PLD1: variants seen among roughly 807,000 people sequenced by gnomAD.
PLD1 encodes choline phosphatase 1.
Under a neutral mutation model 137.1 loss-of-function variants are expected in PLD1, and 112 were observed. The ratio of observed to expected loss-of-function variants is 0.82; its 90% CI spans 0.70 to 0.96. The LOEUF is 0.96. PLD1 is among the 40% of genes least tolerant of loss of function. The pLI is 0.00. For missense variants in PLD1, 1,321 were observed against 1,342.0 expected (o/e 0.98, Z 0.24); for synonymous variants, 431 against 454.7 (o/e 0.95, Z 0.66).
intron 26 of PLD1, among the ~76,000 whole-genome samples, chr3:171,604,254 CA>C (rs1732029813): frequency 6.7e-6 from 1 of 149,298 alleles, no homozygotes; most frequent in Non-Finnish European, 1.5e-5. Context: ...GTAGAAATTG[CA>C]GTGAGCCGAG....
intron 1 of PLD1, among the ~76,000 whole-genome samples, chr3:171,808,755 T>G (rs1198258454): frequency 2.0e-5 from 3 of 151,798 alleles, no homozygotes; most frequent in African/African-American, 7.2e-5. Flanking sequence ...AGTTCATAAT[T>G]ATTCTGTCAT....
At position 171,808,815 on chromosome 3, in the gene PLD1, A is replaced by ATTTTTTTTTTTTTT. The variant is rs60146546; in HGVS notation, c.-32+1570_-32+1583dup. 7.1e-3 allele frequency among the ~76,000 whole-genome samples: 609 copies of ATTTTTTTTTTTTTT among 86,200 alleles called. 39 individuals carry two copies. The highest frequency in any genetic ancestry group is 9.0e-3 in the Non-Finnish European group (432 of 48,096). The allele number at this position is 86,200 out of a possible 152,430, so 56.6% of individuals were successfully genotyped here. On this transcript the variant is annotated intron_variant, in intron 1 of 26. Coordinates refer to ENST00000351298, the MANE Select transcript of PLD1 (RefSeq NM_002662.5). ...TTTTTCCTCAAAGCCTTAGCATTCA[A>ATTTTTTTTTTTTTT]TTTTTTTTTTTTTTTTTTTTTTTTT...
intron 8 of PLD1, among the ~76,000 whole-genome samples, 199 bp downstream of exon 8, chr3:171,724,497 T>C (rs1718361180): frequency 6.6e-6 from 1 of 152,248 alleles, no homozygotes. Context: ...TTCATGAATA[T>C]AATCTGTACA....
chr3:171,807,826 T>C (rs1422660048), intron 1 of PLD1, among the ~76,000 whole-genome samples: 1 of 152,230 alleles, frequency 6.6e-6, no homozygotes, highest in Non-Finnish European at 1.5e-5. Context: ...TCAGCCTAGA[T>C]GCCCATCAAC....
chr3:171,635,088 T>C (rs1734995400), intron 23 of PLD1, among the ~76,000 whole-genome samples: 1 of 152,136 alleles, frequency 6.6e-6, no homozygotes, highest in Non-Finnish European at 1.5e-5. Context: ...ATCTGTGATG[T>C]AGTATATGTC....
chr3:171,724,630 T>A lies in PLD1; in HGVS notation c.758+66A>T, dbSNP rs575396419. Reference sequence around the variant, plus strand: ...AAGGATTTATAATTTAAAACTGGTATGTAAAACTAGCCCAAATACCCAGTG... The same window carrying A: ...AAGGATTTATAATTTAAAACTGGTAAGTAAAACTAGCCCAAATACCCAGTG... On this transcript the variant is annotated intron_variant, in intron 8 of 26. Transcript: ENST00000351298. 3.4e-6 allele frequency: 3 copies of A among 891,622 alleles called. No individual in the cohort carries two copies. The South Asian group carries it at 4.0e-5, about 12-fold the overall frequency. 55.2% of individuals were successfully genotyped at this position (891,622 alleles called of 1,614,324 possible).
At chr3:171,737,119 A>T (rs918656422) in intron 3 of PLD1, among the ~76,000 whole-genome samples, 11 of 152,254 alleles carry the variant, frequency 7.2e-5, no homozygotes, top group Non-Finnish European at 1.2e-4. Context: ...GGTAGCACCA[A>T]CATTTTCATG....
chr3:171,773,244 CAAT>C (rs1166985793), intron 1 of PLD1, among the ~76,000 whole-genome samples: 1 of 152,102 alleles, frequency 6.6e-6, no homozygotes, highest in Non-Finnish European at 1.5e-5. Context: ...TAAAACCCCG[CAAT>C]AATAAGAGTA....
intron 7 of PLD1, among the ~76,000 whole-genome samples, chr3:171,725,160 C>T (rs1363549131): frequency 1.3e-5 from 2 of 152,124 alleles, no homozygotes; most frequent in Admixed American, 6.5e-5. Context: ...GCACGTTGTG[C>T]ACATGTACCC....
chr3:171,658,998 A>G (rs1737439098), intron 21 of PLD1, among the ~76,000 whole-genome samples: 2 of 152,210 alleles, frequency 1.3e-5, no homozygotes, highest in African/African-American at 4.8e-5. Context: ...CCAGGAAGAA[A>G]TTTTTGTGCC....
intron 23 of PLD1, among the ~76,000 whole-genome samples, chr3:171,623,805 A>G (rs1451477892): frequency 6.6e-6 from 1 of 152,180 alleles, no homozygotes; most frequent in East Asian, 1.9e-4. Context: ...GGCCTTTTCA[A>G]TAAAAAGGTG....
intron 1 of PLD1, among the ~76,000 whole-genome samples, chr3:171,785,535 T>TTCAAGGGA (rs1722980298): frequency 1.3e-5 from 2 of 151,908 alleles, no homozygotes; most frequent in South Asian, 4.2e-4. Flanking sequence ...GACTCCCTGG[T>TTCAAGGGA]TCAAGCGATT....
intron 23 of PLD1, among the ~76,000 whole-genome samples, chr3:171,642,457 CAAAAAAAAAAAAAA>C (rs1230947984): frequency 3.0e-5 from 1 of 33,028 alleles, no homozygotes; most frequent in Non-Finnish European, 6.1e-5. Context: ...AACCCAGTCT[CAAAAAAAAAAAAAA>C]AAAAAAAAAA....
chr3:171,639,661 C>CAT (rs1553806193), intron 23 of PLD1, among the ~76,000 whole-genome samples: 53 of 106,896 alleles, frequency 5.0e-4, no homozygotes, highest in South Asian at 2.0e-3. Context: ...AATATATATT[C>CAT]ATATAATATA....
chr3:171,795,095 G>A (rs1174358462), intron 1 of PLD1, among the ~76,000 whole-genome samples: 2 of 152,106 alleles, frequency 1.3e-5, no homozygotes, highest in East Asian at 1.9e-4. Flanking sequence ...CCCTTCATTG[G>A]CCTCCTTTTA....
chr3:171,694,130 TA>T (rs1715467417), intron 12 of PLD1, among the ~76,000 whole-genome samples: 1 of 152,142 alleles, frequency 6.6e-6, no homozygotes, highest in Non-Finnish European at 1.5e-5. Flanking sequence ...ATGGTGTTAG[TA>T]ATATCTTAAA....
chr3:171,802,379 A>G (rs72622541), intron 1 of PLD1, among the ~76,000 whole-genome samples: 45,882 of 152,094 alleles, frequency 0.3, 7,263 homozygotes, highest in Admixed American at 0.36. Context: ...TGGACTGTGA[A>G]GTGAGGCAGC....
Position 171,737,935 on chromosome 3 carries a change from C to T in PLD1, c.117G>A (p.Glu39=). ...CGCTGGGAGACACGTCGTAGTCTAC[C>T]TCCTCTCCCTCAAAGTGGAGTTCCC... is the stretch of plus-strand genomic sequence containing the variant. The part of the protein sequence containing the change: ...DTRELHFEGE[E]VDYDVSPSDP... Residue 39 remains glutamate (E), a synonymous_variant, in exon 2 of 27, where the codon GAG becomes GAA. Transcript: ENST00000351298. 1 of 1,613,920 alleles carries T rather than the reference C, an allele frequency of 6.2e-7. No homozygotes were observed. The highest frequency in any genetic ancestry group is 8.5e-7 in the Non-Finnish European group (1 of 1,179,908).
At chr3:171,630,062 C>A (rs1459413507) in intron 23 of PLD1, among the ~76,000 whole-genome samples, 2 of 151,906 alleles carry the variant, frequency 1.3e-5, no homozygotes, top group Admixed American at 1.3e-4. Flanking sequence ...AAACTACCAT[C>A]AGAGTGAACA....
Sources: gnomAD v4.1 joint callset for allele counts (sites outside exome capture counted in the v4.1 genomes callset) on GRCh38, gnomAD v4.1.1 for gene constraint, MANE v1.5 for transcripts, NCBI Gene and HGNC (gene_info 2026-07-23, HGNC 2026-07-21) for gene names.